The following ARAP2 variants were observed in gnomAD, a reference collection of about 807,000 sequenced individuals.
ARAP2 encodes arf-GAP with Rho-GAP domain, ANK repeat and PH domain-containing protein 2.
In ARAP2, 148 loss-of-function variants were observed where a neutral mutation model predicts 194.5. That is an observed-to-expected ratio of 0.76 (90% confidence interval 0.67 to 0.87). ARAP2 has a LOEUF of 0.87. ARAP2 is among the 40% of genes least tolerant of loss of function. The pLI is 0.00. For synonymous variants in ARAP2, 695 were observed against 683.5 expected, an observed-to-expected ratio of 1.02 and a Z score of -0.26; for missense variants, 2,128 against 1,989.7, an observed-to-expected ratio of 1.07 and a Z score of -1.32.
chr4:36,050,974 T>A (rs969205303), intron 3 of ARAP2, among the ~76,000 whole-genome samples: 2 of 152,254 alleles, frequency 1.3e-5, no homozygotes, highest in African/African-American at 4.8e-5. Flanking sequence ...ATTAACTTTT[T>A]AAATTCCTCC....
chr4:36,119,075 T>C (rs902496527), intron 24 of ARAP2, among the ~76,000 whole-genome samples: 5 of 151,360 alleles, frequency 3.3e-5, no homozygotes, highest in African/African-American at 1.2e-4. Flanking sequence ...GAAATTCCAG[T>C]GAATATTCAC....
intron 5 of ARAP2, among the ~76,000 whole-genome samples, chr4:36,043,845 G>GAAGGGAAGGGAAGGGAA (rs1560311674): frequency 8.4e-5 from 3 of 35,912 alleles, no homozygotes; most frequent in African/African-American, 2.3e-4. Context: ...GGAGGGGAGG[G>GAAGGGAAGGGAAGGGAA]GGGAGGGGAG....
chr4:36,090,346 C>A (rs1340237875), intron 28 of ARAP2, among the ~76,000 whole-genome samples: 4 of 152,066 alleles, frequency 2.6e-5, no homozygotes, highest in Non-Finnish European at 4.4e-5. Flanking sequence ...GATCTGGTAC[C>A]ATTCCTACTG....
chr4:36,203,740 T>C (rs527751045), intron 6 of ARAP2, among the ~76,000 whole-genome samples: 2 of 151,984 alleles, frequency 1.3e-5, no homozygotes, highest in Non-Finnish European at 2.9e-5. Context: ...AAGAAACAAA[T>C]AGCAAGGCCC....
At chr4:36,231,259 T>C (rs1560729399) in intron 1 of ARAP2, among the ~76,000 whole-genome samples, 1 of 151,908 alleles carries the variant, frequency 6.6e-6, no homozygotes, top group East Asian at 1.9e-4. Context: ...TAGCTTGAAC[T>C]TGGGAGGCGG....
At chr4:36,218,815 G>A (rs1748553658) in intron 2 of ARAP2, among the ~76,000 whole-genome samples, 2 of 152,044 alleles carry the variant, frequency 1.3e-5, no homozygotes, top group Admixed American at 6.5e-5. Flanking sequence ...TGTACAAGGG[G>A]TTTATACCCA....
At position 36,014,531 on chromosome 4, in the gene ARAP2, A is replaced by T. The variant is rs1577535363; in HGVS notation, n.1056+855T>A. 3.3e-5 allele frequency among the ~76,000 whole-genome samples: 5 copies of T among 152,324 alleles called. No individual in the cohort carries two copies. In the South Asian group the frequency reaches 1.0e-3, roughly 32 times the overall value. ...TTACATCACTATCTGTATAAAATTC[A>T]TACAATTCTATAAATTATTAAAGCA... On this transcript the variant is annotated intron_variant and non_coding_transcript_variant, in intron 8 of 12. Transcript: ENST00000503225.
chr4:36,125,003 C>T, intron 21 of ARAP2, 36 bp from the exon 22 acceptor site: 1 of 1,324,618 alleles, frequency 7.5e-7, no homozygotes, highest in Middle Eastern at 1.8e-4. Flanking sequence ...GAGATCTAAA[C>T]TAATTATCTA....
intron 23 of ARAP2, 150 bp from the exon 24 acceptor site, chr4:36,119,868 G>C: frequency 2.0e-6 from 1 of 507,912 alleles, no homozygotes; most frequent in Non-Finnish European, 3.4e-6. Flanking sequence ...CACACAGCTA[G>C]GGTGGAAACA....
chr4:36,008,078 T>C lies in ARAP2; in HGVS notation n.1326-1032A>G, dbSNP rs559055909. On this transcript the variant is annotated intron_variant and non_coding_transcript_variant, in intron 9 of 12. Transcript: ENST00000503225. ...TAAATTGAAAAATGACCCAAGCTTA[T>C]GGGTTGGAAGAATCAACATCACTAA... 1.5e-4 allele frequency among the ~76,000 whole-genome samples: 23 copies of C among 152,222 alleles called. 1 individual carries two copies. The highest frequency in any genetic ancestry group is 5.3e-4 in the African/African-American group (22 of 41,552).
intron 2 of ARAP2, among the ~76,000 whole-genome samples, chr4:36,223,928 A>G (rs1749691733): frequency 1.3e-5 from 2 of 152,184 alleles, no homozygotes; most frequent in Admixed American, 6.6e-5. Flanking sequence ...AGCCAGAGAG[A>G]CAAAGACAAC....
chr4:36,081,500 G>A (rs898672754), intron 30 of ARAP2, among the ~76,000 whole-genome samples: 3 of 152,130 alleles, frequency 2.0e-5, no homozygotes, highest in Admixed American at 6.6e-5. Flanking sequence ...GATGAAGTTG[G>A]TGGAGTCATA....
chr4:36,107,687 G>A lies in ARAP2; in HGVS notation c.4163C>T (p.Pro1388Leu). The A allele has an allele frequency of 1.3e-6, 2 of 1,593,560 alleles. No homozygotes were observed. Among genetic ancestry groups the A allele is most frequent in the Non-Finnish European group, 1.7e-6 (2 of 1,171,834 alleles). Residue 1388 changes from proline (P) to leucine (L), a missense_variant, in exon 27 of 33, where the codon CCT (proline) becomes CTT (leucine). By Grantham distance (98) the Pro-to-Leu change is moderately conservative. Transcript: ENST00000303965. The part of the protein sequence containing the change: ...EVIENEELER[P>L]LHYKENVLEQ... The stretch of plus-strand genomic sequence containing the variant: ...CAGTACATTTTCCTTGTAGTGAAGA[G>A]GACGCTCTGTAAAAAATAAATTCCA...
At chr4:36,128,303 G>A (rs944076313) in intron 21 of ARAP2, among the ~76,000 whole-genome samples, 2 of 151,808 alleles carry the variant, frequency 1.3e-5, no homozygotes, top group African/African-American at 4.8e-5. Context: ...TATACCAAAC[G>A]ATTTAGTGAA....
In ARAP2 at chr4:36,158,877, A is replaced by G; in HGVS notation, c.2618-13T>C. On this transcript the variant is annotated splice_polypyrimidine_tract_variant and intron_variant, in intron 14 of 32. Coordinates refer to ENST00000303965, the MANE Select transcript of ARAP2 (RefSeq NM_015230.4). The stretch of plus-strand genomic sequence containing the variant: ...TGTTGAGGGAAATCTAGAAAAATTA[A>G]AGAAATAAGGCACAAGAAATCTAAA... 2.5e-6 allele frequency: 4 copies of G among 1,579,626 alleles called. No individual in the cohort carries two copies. Among genetic ancestry groups the G allele is most frequent in the Non-Finnish European group, 3.4e-6 (4 of 1,169,128 alleles).
chr4:36,145,839 C>T (rs1729511797), intron 19 of ARAP2, among the ~76,000 whole-genome samples: 2 of 151,936 alleles, frequency 1.3e-5, no homozygotes, highest in South Asian at 4.1e-4. Flanking sequence ...GCTATACTCT[C>T]CATGAGGTGA....
At chr4:36,119,789 A>G (rs974309943) in intron 23 of ARAP2, 71 bp from the exon 24 acceptor site, 169 of 1,043,978 alleles carry the variant, frequency 1.6e-4, no homozygotes, top group Non-Finnish European at 2.3e-4. Context: ...ATCCTCATGT[A>G]ATCTTCAGGA....
At chr4:36,203,618 G>A (rs529625027) in intron 6 of ARAP2, among the ~76,000 whole-genome samples, 102 of 151,678 alleles carry the variant, frequency 6.7e-4, no homozygotes, top group African/African-American at 2.4e-3. Flanking sequence ...AAAAAAACTG[G>A]TTACCAGGCC....
chr4:36,088,023 G>A (rs746611465), intron 28 of ARAP2, among the ~76,000 whole-genome samples: 4 of 152,008 alleles, frequency 2.6e-5, no homozygotes, highest in Non-Finnish European at 5.9e-5. Flanking sequence ...TAAAATGTAC[G>A]GAACTCTGCT....
Sources: allele counts gnomAD v4.1 joint callset (sites outside exome capture counted in the v4.1 genomes callset), GRCh38; gene constraint gnomAD v4.1.1; transcripts MANE v1.5; gene names NCBI Gene and HGNC (gene_info 2026-07-23, HGNC 2026-07-21).